Variants in FSTL1 observed in about 807,000 individuals in gnomAD.
FSTL1 encodes follistatin-related protein 1.
A neutral mutation model predicts 45.9 loss-of-function variants in FSTL1; 24 were observed. The observed-to-expected ratio is 0.52, with a 90% CI of 0.38 to 0.74. The LOEUF (loss-of-function observed/expected upper bound fraction) is 0.74. Among genes scored for constraint, FSTL1 ranks in the 30% least tolerant of loss-of-function variants. The pLI is 0.00. For missense variants in FSTL1, 340 were observed against 381.8 expected (o/e 0.89, Z 0.91); for synonymous variants, 120 against 137.6 (o/e 0.87, Z 0.89).
intron 2 of FSTL1, among the ~76,000 whole-genome samples, chr3:120,437,378 C>A (rs963734028): frequency 3.9e-5 from 6 of 152,132 alleles, no homozygotes; most frequent in Non-Finnish European, 7.3e-5. Flanking sequence ...AAACTTCACA[C>A]CATAAAAATA....
At chr3:120,429,739 T>G (rs1250689490) in intron 2 of FSTL1, among the ~76,000 whole-genome samples, 3 of 152,186 alleles carry the variant, frequency 2.0e-5, no homozygotes, top group Non-Finnish European at 4.4e-5. Flanking sequence ...ACAGGAGGAT[T>G]TTCTAGGGTT....
At chr3:120,426,658 C>T (rs1223569496) in intron 2 of FSTL1, among the ~76,000 whole-genome samples, 2 of 152,160 alleles carry the variant, frequency 1.3e-5, no homozygotes, top group Non-Finnish European at 2.9e-5. Context: ...CCAATTTGCA[C>T]ATGATTCCCC....
At chr3:120,434,107 TGCTATTGCAATA>T (rs1472581647) in intron 2 of FSTL1, among the ~76,000 whole-genome samples, 1 of 151,996 alleles carries the variant, frequency 6.6e-6, no homozygotes, top group Non-Finnish European at 1.5e-5. Flanking sequence ...AGCAGCTAGG[TGCTATTGCAATA>T]GTCCAGGCAC....
chr3:120,423,924 G>A (rs749972774), intron 2 of FSTL1: 8 of 142,532 alleles, frequency 5.6e-5, no homozygotes, highest in Non-Finnish European at 1.2e-4. Flanking sequence ...AGCTTGTTAG[G>A]TTTGAATATG....
intron 3 of FSTL1, among the ~76,000 whole-genome samples, chr3:120,414,800 A>G (rs553757862): frequency 5.9e-5 from 9 of 151,764 alleles, no homozygotes; most frequent in African/African-American, 1.7e-4. Flanking sequence ...CAGCATGCTC[A>G]TTAAGAGTCA....
chr3:120,399,446 C>T (rs149012903), intron 10 of FSTL1, among the ~76,000 whole-genome samples: 1 of 152,366 alleles, frequency 6.6e-6, no homozygotes, highest in Non-Finnish European at 1.5e-5. Context: ...TTCATGCTCA[C>T]TGAGTGCTGA....
intron 2 of FSTL1, among the ~76,000 whole-genome samples, chr3:120,442,446 C>T (rs956127135): frequency 6.6e-6 from 1 of 152,174 alleles, no homozygotes; most frequent in African/African-American, 2.4e-5. Context: ...TACAGCGTTG[C>T]TCTTAATAAC....
At chr3:120,412,506 C>T (rs1937075770) in intron 3 of FSTL1, among the ~76,000 whole-genome samples, 1 of 152,198 alleles carries the variant, frequency 6.6e-6, no homozygotes, top group East Asian at 1.9e-4. Context: ...AATCTGCTTG[C>T]ACCTCAATCT....
At chr3:120,412,837 C>CGT (rs1461621836) in intron 3 of FSTL1, among the ~76,000 whole-genome samples, 1 of 68,518 alleles carries the variant, frequency 1.5e-5, no homozygotes. Flanking sequence ...CGCGCGCGCG[C>CGT]GCACACACAC....
chr3:120,409,385 G>C (rs1937006557), intron 6 of FSTL1, 147 bp downstream of exon 6: 1 of 712,800 alleles, frequency 1.4e-6, no homozygotes, highest in African/African-American at 1.8e-5. Context: ...AACTTTCACA[G>C]CTTCATGAAT....
At chr3:120,443,917 T>G (rs1306488424) in intron 2 of FSTL1, among the ~76,000 whole-genome samples, 1 of 150,088 alleles carries the variant, frequency 6.7e-6, no homozygotes, top group Non-Finnish European at 1.5e-5. Context: ...GAGCATTCTA[T>G]TAGCAAGTTA....
rs1936620669 is a variant in FSTL1, at chr3:120,392,935, T to C, written c.*4017A>G. On this transcript the variant is annotated 3_prime_UTR_variant, in exon 11 of 11. Transcript: ENST00000295633. Reference sequence around the variant, plus strand: ...ATACTTCTTTGCACAATTCGTAATATTAAATTTTGATGAAAGGAAACTTAG... The same window carrying C: ...ATACTTCTTTGCACAATTCGTAATACTAAATTTTGATGAAAGGAAACTTAG... 6.6e-6 allele frequency: 1 copy of C among 152,234 alleles called. No homozygotes were observed. Among genetic ancestry groups the C allele is most frequent in the South Asian group, 2.1e-4 (1 of 4,832 alleles). 9.4% of individuals were successfully genotyped at this position (152,234 alleles called of 1,614,324 possible).
At chr3:120,435,945 A>G (rs1315477137) in intron 2 of FSTL1, among the ~76,000 whole-genome samples, 2 of 152,136 alleles carry the variant, frequency 1.3e-5, no homozygotes, top group Non-Finnish European at 2.9e-5. Context: ...GTGTATGGGG[A>G]ATTTGGAGGA....
At chr3:120,405,113 C>A in intron 6 of FSTL1, 142 bp from the exon 7 acceptor site, 1 of 619,134 alleles carries the variant, frequency 1.6e-6, no homozygotes, top group Non-Finnish European at 3.0e-6. Context: ...GCCTTGGCAA[C>A]AAATGCTCTA....
chr3:120,449,602 C>T (rs1368034642), intron 2 of FSTL1, among the ~76,000 whole-genome samples: 1 of 152,162 alleles, frequency 6.6e-6, no homozygotes, highest in Non-Finnish European at 1.5e-5. Flanking sequence ...CCACCTCAAT[C>T]AACAACGTAG....
chr3:120,418,354 A>G (rs978383928), intron 2 of FSTL1, among the ~76,000 whole-genome samples: 6 of 152,210 alleles, frequency 3.9e-5, no homozygotes, highest in African/African-American at 2.4e-5. Flanking sequence ...CTAGGATTCC[A>G]ACTCGTATCT....
intron 4 of FSTL1, 110 bp downstream of exon 4, chr3:120,411,744 G>T: frequency 2.1e-6 from 2 of 965,674 alleles, no homozygotes; most frequent in Non-Finnish European, 3.2e-6. Context: ...CCACAGCTTT[G>T]AGAGGCTGTG....
intron 2 of FSTL1, among the ~76,000 whole-genome samples, chr3:120,445,852 G>A (rs533791251): frequency 2.0e-5 from 3 of 149,984 alleles, no homozygotes; most frequent in South Asian, 2.1e-4. Context: ...TACCAGGTGC[G>A]CTCAGCTGCA....
At chr3:120,437,752 G>A (rs1280213924) in intron 2 of FSTL1, among the ~76,000 whole-genome samples, 1 of 152,184 alleles carries the variant, frequency 6.6e-6, no homozygotes, top group Non-Finnish European at 1.5e-5. Flanking sequence ...CCCCAGTCAG[G>A]ATCAATAGCA....
Sources: gnomAD v4.1 joint callset for allele counts (sites outside exome capture counted in the v4.1 genomes callset) on GRCh38, gnomAD v4.1.1 for gene constraint, MANE v1.5 for transcripts, NCBI Gene and HGNC (gene_info 2026-07-23, HGNC 2026-07-21) for gene names.